CACNA1E: variants seen among roughly 807,000 people sequenced by gnomAD.
CACNA1E encodes calcium voltage-gated channel subunit alpha1 E.
In CACNA1E, 40 loss-of-function variants were observed where a neutral mutation model predicts 259.2. That is an observed-to-expected ratio of 0.15 (90% CI 0.12 to 0.20). CACNA1E has a LOEUF of 0.20. CACNA1E is among the 10% of genes least tolerant of loss of function. CACNA1E has a pLI of 1.00. For synonymous variants in CACNA1E, 1,104 were observed against 1,138.5 expected, an observed-to-expected ratio of 0.97 and a Z score of 0.61; for missense variants, 1,874 against 3,040.1, an observed-to-expected ratio of 0.62 and a Z score of 9.02.
chr1:181,326,083 A>G (rs1650768448), intron 1 of CACNA1E, among the ~76,000 whole-genome samples: 1 of 152,212 alleles, frequency 6.6e-6, no homozygotes, highest in African/African-American at 2.4e-5. Flanking sequence ...TGCCAATCCC[A>G]GCTCCTTCCC....
At position 181,806,350 on chromosome 1, in the gene CACNA1E, C is replaced by T. The variant is rs1662624186; in HGVS notation, c.*7516C>T. ...AGGAGGTGGACTACAGGGTCCACAC[C>T]CTCTGTCCTTCGGGGCCCATGGTCA... On this transcript the variant is annotated 3_prime_UTR_variant, in exon 48 of 48. Transcript: ENST00000367573. The T allele has an allele frequency of 6.6e-6, 1 of 152,206 alleles. No homozygotes were observed. Among genetic ancestry groups the T allele is most frequent in the African/African-American group, 2.4e-5 (1 of 41,442 alleles). 9.4% of individuals were successfully genotyped at this position (152,206 alleles called of 1,614,324 possible).
At chr1:181,598,833 C>T (rs955601656) in intron 6 of CACNA1E, among the ~76,000 whole-genome samples, 63 of 152,168 alleles carry the variant, frequency 4.1e-4, no homozygotes, top group African/African-American at 1.2e-3. Context: ...TCTTACTTCA[C>T]GCCCTTGCCT....
At chr1:181,357,301 C>T (rs1334838892) in intron 1 of CACNA1E, among the ~76,000 whole-genome samples, 1 of 152,194 alleles carries the variant, frequency 6.6e-6, no homozygotes, top group Admixed American at 6.5e-5. Context: ...TGGGTGTTGC[C>T]TCACCATTGC....
chr1:181,626,406 A>T (rs1432570884), intron 6 of CACNA1E, among the ~76,000 whole-genome samples: 1 of 152,188 alleles, frequency 6.6e-6, no homozygotes, highest in Admixed American at 6.5e-5. Context: ...AGAAAAGAAC[A>T]CTAAAGCCAG....
rs752193507 is a variant in CACNA1E, at chr1:181,720,267, A to G, written c.1813A>G (p.Ser605Gly). 1 of 1,613,858 alleles carries G rather than the reference A, an allele frequency of 6.2e-7. No individual in the cohort carries two copies. The highest frequency in any genetic ancestry group is 1.1e-5 in the South Asian group (1 of 91,072). ...SLMSSMKSIISLLFLLFLFIV... is the reference protein window; with the variant it reads ...SLMSSMKSIIGLLFLLFLFIV... ...GATGAGCTCAATGAAGTCTATCATC[A>G]GTTTGCTTTTCCTCCTCTTCCTCTT... Residue 605 changes from serine to glycine, a missense_variant, in exon 14 of 48, where the codon AGT becomes GGT. This residue lies in a region of CACNA1E where 102 missense variants were observed against 279.4 expected (regional missense o/e 0.37). Transcript: ENST00000367573.
intron 1 of CACNA1E, among the ~76,000 whole-genome samples, chr1:181,372,961 C>A (rs922358640): frequency 2.0e-5 from 3 of 151,940 alleles, no homozygotes; most frequent in African/African-American, 7.3e-5. Context: ...ATATGTTGAA[C>A]CAACCTTGAA....
chr1:181,539,305 T>C (rs1412932743), intron 3 of CACNA1E, among the ~76,000 whole-genome samples: 1 of 152,230 alleles, frequency 6.6e-6, no homozygotes, highest in Non-Finnish European at 1.5e-5. Context: ...TTGTATTCTA[T>C]TTGAACTCCT....
At chr1:181,734,921 C>T (rs1339334948) in intron 21 of CACNA1E, among the ~76,000 whole-genome samples, 2 of 152,206 alleles carry the variant, frequency 1.3e-5, no homozygotes, top group Admixed American at 6.5e-5. Flanking sequence ...CATACCCCAT[C>T]CCTGCTCTGG....
At chr1:181,372,048 C>A (rs759568779) in intron 1 of CACNA1E, among the ~76,000 whole-genome samples, 2 of 152,110 alleles carry the variant, frequency 1.3e-5, no homozygotes, top group Non-Finnish European at 2.9e-5. Flanking sequence ...TGCCTTTGTT[C>A]TTTTTGCTTG....
chr1:181,555,862 C>G (rs1648663651), intron 3 of CACNA1E, among the ~76,000 whole-genome samples: 1 of 152,194 alleles, frequency 6.6e-6, no homozygotes, highest in Non-Finnish European at 1.5e-5. Context: ...TCCTGCTAGT[C>G]TGAAAGGCAT....
At chr1:181,539,578 G>T (rs1187421985) in intron 3 of CACNA1E, among the ~76,000 whole-genome samples, 1 of 152,138 alleles carries the variant, frequency 6.6e-6, no homozygotes, top group Non-Finnish European at 1.5e-5. Flanking sequence ...CTTCTCTAAT[G>T]GTCCTTTTAC....
At chr1:181,771,993 T>C (rs1659560066) in intron 36 of CACNA1E, 73 bp from the exon 37 acceptor site, 4 of 1,423,622 alleles carry the variant, frequency 2.8e-6, no homozygotes, top group Non-Finnish European at 3.9e-6. Context: ...ATGGGGAAAT[T>C]GGGAAAGAGG....
intron 1 of CACNA1E, among the ~76,000 whole-genome samples, chr1:181,326,577 A>C (rs903025051): frequency 6.6e-6 from 1 of 151,824 alleles, no homozygotes; most frequent in Non-Finnish European, 1.5e-5. Flanking sequence ...TTCCCAGTCC[A>C]CCCTGGCCCT....
At chr1:181,494,799 T>G (rs770196019) in intron 1 of CACNA1E, among the ~76,000 whole-genome samples, 1 of 152,204 alleles carries the variant, frequency 6.6e-6, no homozygotes, top group Non-Finnish European at 1.5e-5. Flanking sequence ...ATCTGCAGAT[T>G]TATAAGCAAA....
At chr1:181,439,648 C>T (rs1017781941) in intron 2 of CACNA1E, among the ~76,000 whole-genome samples, 1 of 152,100 alleles carries the variant, frequency 6.6e-6, no homozygotes, top group African/African-American at 2.4e-5. Context: ...GGTGTATGTG[C>T]GTGCCCTGGC....
At chr1:181,780,499 A>C (rs1418975773) in intron 38 of CACNA1E, among the ~76,000 whole-genome samples, 1 of 152,180 alleles carries the variant, frequency 6.6e-6, no homozygotes, top group Non-Finnish European at 1.5e-5. Context: ...GGCAGCTGGA[A>C]GATGACCTAG....
At chr1:181,421,970 C>T (rs1347158108) in intron 2 of CACNA1E, among the ~76,000 whole-genome samples, 1 of 152,214 alleles carries the variant, frequency 6.6e-6, no homozygotes, top group Non-Finnish European at 1.5e-5. Flanking sequence ...CTCCTGGCCT[C>T]ATCTACTCTC....
intron 6 of CACNA1E, among the ~76,000 whole-genome samples, chr1:181,597,367 C>G (rs901097415): frequency 3.3e-5 from 5 of 152,210 alleles, no homozygotes; most frequent in Non-Finnish European, 5.9e-5. Context: ...CTCTTCTTCA[C>G]CAGGGAGTGA....
chr1:181,469,373 C>T (rs1016118077), intron 2 of CACNA1E, among the ~76,000 whole-genome samples: 1 of 151,940 alleles, frequency 6.6e-6, no homozygotes, highest in Non-Finnish European at 1.5e-5. Flanking sequence ...AGTTTTGTGC[C>T]CGAGTTAGGG....
Sources: gnomAD v4.1 joint callset for allele counts (sites outside exome capture counted in the v4.1 genomes callset) on GRCh38, gnomAD v4.1.1 for gene constraint, gnomAD v4.1.1 regional missense constraint, MANE v1.5 for transcripts, NCBI Gene and HGNC (gene_info 2026-07-23, HGNC 2026-07-21) for gene names.